FLT4: variants seen among roughly 807,000 people sequenced by gnomAD.
FLT4 encodes vascular endothelial growth factor receptor 3.
FLT4 carries 30 observed loss-of-function variants against 163.2 expected under a neutral mutation model. The ratio of observed to expected loss-of-function variants is 0.18; its 90% CI spans 0.14 to 0.25. The LOEUF is 0.25. Ranked by LOEUF, FLT4 falls within the 10% of genes least tolerant of loss-of-function variation. The pLI is 1.00. For missense variants in FLT4, 1,510 were observed against 1,863.8 expected, an observed-to-expected ratio of 0.81 and a Z score of 3.50; for synonymous variants, 884 against 789.5, an observed-to-expected ratio of 1.12 and a Z score of -2.01.
Position 180,601,567 on chromosome 5 carries a change from T to A in FLT4, c.*1625A>T, listed in dbSNP as rs1031172596. ...ATTATCTCTTGTTAAATATTTTCGATCTTTTCTCAGAACATGGTCTAGAAG... is the reference window on the plus strand; with the variant it reads ...ATTATCTCTTGTTAAATATTTTCGAACTTTTCTCAGAACATGGTCTAGAAG... On this transcript the variant is annotated 3_prime_UTR_variant, in exon 30 of 30. Transcript: ENST00000261937. 2 of 233,170 alleles carry A rather than the reference T, an allele frequency of 8.6e-6. No homozygotes were observed. The highest frequency in any genetic ancestry group is 2.2e-5 in the African/African-American group (1 of 45,334). 14.4% of individuals were successfully genotyped at this position (233,170 alleles called of 1,614,324 possible).
intron 29 of FLT4, among the ~76,000 whole-genome samples, chr5:180,607,638 C>A (rs1265419369): frequency 1.5e-3 from 201 of 131,836 alleles, no homozygotes; most frequent in African/African-American, 2.3e-3. Context: ...GAGACTGTCT[C>A]AAAAAAAAAA....
intron 29 of FLT4, among the ~76,000 whole-genome samples, chr5:180,607,660 T>TAA: frequency 8.2e-6 from 1 of 122,640 alleles, no homozygotes. Context: ...AATACATACA[T>TAA]ACATATATAT....
rs1763394943 is a variant in FLT4 at position 180,623,986 on chromosome 5, G to A, written c.1497C>T (p.Asn499=). The A allele has an allele frequency of 1.2e-6, 2 of 1,613,542 alleles. No homozygotes were observed. The highest frequency in any genetic ancestry group is 1.7e-5 in the Admixed American group (1 of 60,014). The change falls in exon 11 of 30, where the codon AAC becomes AAT. Residue 499 remains asparagine, a synonymous_variant. Transcript: ENST00000261937. The surrounding 1 kb of genome is among the most constrained non-coding windows in gnomAD (Gnocchi z 5.8). Reference sequence around the variant, plus strand: ...TCCAGGTGTCCAGGCTCTCGATGGGGTTCACGGCATCCTGCGTGGTCACCG... The same window carrying A: ...TCCAGGTGTCCAGGCTCTCGATGGGATTCACGGCATCCTGCGTGGTCACCG... The part of the protein sequence containing the change: ...WRAVTTQDAV[N]PIESLDTWTE...
At chr5:180,618,987 G>A (rs2127807331) in intron 20 of FLT4, 34 bp downstream of exon 20, 2 of 1,547,974 alleles carry the variant, frequency 1.3e-6, no homozygotes, top group Non-Finnish European at 8.7e-7. Context: ...CCATTCCCCC[G>A]CCGCCCGCGG....
At chr5:180,610,623 G>A (rs1762102186) in intron 27 of FLT4, among the ~76,000 whole-genome samples, 1 of 152,198 alleles carries the variant, frequency 6.6e-6, no homozygotes, top group Non-Finnish European at 1.5e-5. Flanking sequence ...TTCTCCTCCT[G>A]CCCACGCCTC....
intron 1 of FLT4, among the ~76,000 whole-genome samples, chr5:180,640,871 G>A (rs527384961): frequency 3.3e-5 from 5 of 152,310 alleles, no homozygotes; most frequent in East Asian, 3.9e-4. Context: ...ACAGGGTCCC[G>A]GCCCTCTCTA....
chr5:180,621,260 C>T lies in FLT4; in HGVS notation c.2021-8G>A, dbSNP rs755735640. ...GCCGAGGGGCTTCCAGGGCTGGGGG[C>T]AGGGGTCGAGAGGGAGCTAAGTGGA... On this transcript the variant is annotated splice_polypyrimidine_tract_variant and splice_region_variant and intron_variant, in intron 13 of 29. Transcript: ENST00000261937. 6.2e-7 allele frequency: 1 copy of T among 1,610,930 alleles called. No individual in the cohort carries two copies. The highest frequency in any genetic ancestry group is 8.5e-7 in the Non-Finnish European group (1 of 1,178,586).
intron 1 of FLT4, among the ~76,000 whole-genome samples, chr5:180,643,311 G>A (rs1184902738): frequency 6.6e-6 from 1 of 152,178 alleles, no homozygotes; most frequent in Non-Finnish European, 1.5e-5. Context: ...CCAAGAGGAG[G>A]GCACTGTGGG....
chr5:180,627,904 C>T (rs544520431), intron 8 of FLT4, among the ~76,000 whole-genome samples: 87 of 152,254 alleles, frequency 5.7e-4, no homozygotes, highest in African/African-American at 1.7e-3. Flanking sequence ...GGATGGACAC[C>T]GAAGTCTGTG....
At chr5:180,613,174 G>T in intron 24 of FLT4, 64 bp from the exon 25 acceptor site, 1 of 1,190,486 alleles carries the variant, frequency 8.4e-7, no homozygotes, top group Non-Finnish European at 1.2e-6. Context: ...AGCCCCCCAA[G>T]TCACCCCATC....
At chr5:180,638,826 T>C (rs968345725) in intron 1 of FLT4, among the ~76,000 whole-genome samples, 13 of 152,196 alleles carry the variant, frequency 8.5e-5, no homozygotes, top group Non-Finnish European at 1.6e-4. Context: ...CTTGGAATTA[T>C]TTATTTATGT....
At chr5:180,607,627 C>T (rs1446753184) in intron 29 of FLT4, among the ~76,000 whole-genome samples, 6 of 116,824 alleles carry the variant, frequency 5.1e-5, no homozygotes, top group African/African-American at 1.2e-4. Flanking sequence ...GGAGACAGAG[C>T]GAGACTGTCT....
At chr5:180,615,461 T>C in intron 23 of FLT4, among the ~76,000 whole-genome samples, 1 of 131,658 alleles carries the variant, frequency 7.6e-6, no homozygotes, top group Admixed American at 7.9e-5. Context: ...TCACCTCCCT[T>C]CTCCACTTCC....
chr5:180,633,577 G>C (rs986866498), intron 1 of FLT4, among the ~76,000 whole-genome samples: 1 of 152,198 alleles, frequency 6.6e-6, no homozygotes, highest in Non-Finnish European at 1.5e-5. Flanking sequence ...CCAGGGGCTG[G>C]GGGATCCCTG....
chr5:180,615,095 G>A (rs919187830), intron 23 of FLT4, among the ~76,000 whole-genome samples: 5 of 152,212 alleles, frequency 3.3e-5, no homozygotes, highest in South Asian at 2.1e-4. Flanking sequence ...GGAGCAAGGC[G>A]CGGGGCAAAG....
chr5:180,629,236 G>A (rs781505170), intron 7 of FLT4, 23 bp downstream of exon 7: 20 of 1,612,142 alleles, frequency 1.2e-5, no homozygotes, highest in African/African-American at 2.7e-5. Flanking sequence ...AGGGCACAAG[G>A]ACCCTGGTTT....
chr5:180,629,032 G>T, intron 7 of FLT4, 33 bp from the exon 8 acceptor site: 1 of 1,579,528 alleles, frequency 6.3e-7, no homozygotes, highest in Non-Finnish European at 8.7e-7. Context: ...GTAAATCCAG[G>T]ACTGACCCGT....
At chr5:180,628,322 G>GACTCCCTTCTCTGGGCCCAGAC (rs1763799639) in intron 8 of FLT4, among the ~76,000 whole-genome samples, 1 of 152,318 alleles carries the variant, frequency 6.6e-6, no homozygotes, top group Middle Eastern at 3.4e-3. Flanking sequence ...GGCCACCCCT[G>GACTCCCTTCTCTGGGCCCAGAC]AGGCCTCCCT....
rs757645272 is a variant in FLT4, at chr5:180,620,758, A to G, written c.2300-43T>C. 5.8e-6 allele frequency: 9 copies of G among 1,548,288 alleles called. No individual in the cohort carries two copies. The highest frequency in any genetic ancestry group is 8.0e-6 in the Non-Finnish European group (9 of 1,128,196). On this transcript the variant is annotated intron_variant, in intron 15 of 29. Transcript: ENST00000261937. This position sits in a 1 kb window ranked among gnomAD's most constrained non-coding sequence, Gnocchi z 4.4. Reference sequence around the variant, plus strand: ...GGCCGGCGTGTGTGTGTGTGTGTGTAAGAGCGTGCACCTGCAGGCAGCACC... The same window carrying G: ...GGCCGGCGTGTGTGTGTGTGTGTGTGAGAGCGTGCACCTGCAGGCAGCACC...
Sources: gnomAD v4.1 joint callset for allele counts (sites outside exome capture counted in the v4.1 genomes callset) on GRCh38, gnomAD v4.1.1 for gene constraint, Gnocchi (gnomAD v3.1) non-coding constraint, MANE v1.5 for transcripts, NCBI Gene and HGNC (gene_info 2026-07-23, HGNC 2026-07-21) for gene names.